Variants in NUP88 observed in about 807,000 individuals in gnomAD.
The protein encoded by NUP88 is nucleoporin 88, also known as nuclear pore complex protein Nup88.
Under a neutral mutation model 93.9 loss-of-function variants are expected in NUP88, and 57 were observed. The ratio of observed to expected loss-of-function variants is 0.61; its 90% CI spans 0.49 to 0.76. NUP88 has a LOEUF of 0.76. Among genes scored for constraint, NUP88 ranks in the 30% least tolerant of loss-of-function variants. The pLI is 0.00. For missense variants in NUP88, 911 were observed against 901.0 expected (o/e 1.01, Z -0.14); for synonymous variants, 346 against 336.8 (o/e 1.03, Z -0.30).
chr17:5,390,267 A>G (rs1171112777), intron 10 of NUP88, among the ~76,000 whole-genome samples: 1 of 152,164 alleles, frequency 6.6e-6, no homozygotes, highest in Non-Finnish European at 1.5e-5. Context: ...TTATTTTACT[A>G]AATGTACTGT....
intron 4 of NUP88, among the ~76,000 whole-genome samples, chr17:5,409,941 G>A (rs1164312037): frequency 6.6e-6 from 1 of 152,190 alleles, no homozygotes; most frequent in Non-Finnish European, 1.5e-5. Flanking sequence ...ATGGCAAGGA[G>A]GCCAAGGTGC....
chr17:5,412,853 G>A (rs1291523489), intron 3 of NUP88, among the ~76,000 whole-genome samples: 1 of 152,160 alleles, frequency 6.6e-6, no homozygotes, highest in Non-Finnish European at 1.5e-5. Flanking sequence ...TAGATTTGGA[G>A]GAAGGAGGGG....
chr17:5,386,123 A>AT lies in NUP88; in HGVS notation c.*82dup, dbSNP rs1911940707. The AT allele has an allele frequency of 1.9e-6, 2 of 1,028,300 alleles. No individual in the cohort carries two copies. The highest frequency in any genetic ancestry group is 2.6e-5 in the East Asian group (1 of 39,088). The allele number at this position is 1,028,300 out of a possible 1,614,324, so 63.7% of individuals were successfully genotyped here. A position where few individuals can be genotyped will look rare whatever the true frequency, so the allele number is the denominator to read the frequency against. ...AGGTCATCAAAACACCTTTTTATAA[A>AT]TTAGATAATTCTACCTGTTTTACAA... On this transcript the variant is annotated 3_prime_UTR_variant, in exon 17 of 17. Transcript: ENST00000573584.
intron 8 of NUP88, among the ~76,000 whole-genome samples, chr17:5,395,547 T>TC (rs1379975325): frequency 3.8e-4 from 57 of 151,890 alleles, no homozygotes; most frequent in Middle Eastern, 3.2e-3. Context: ...TATTTTTTTT[T>TC]GGATGGAGTC....
chr17:5,399,540 T>C lies in NUP88; in HGVS notation c.1291+12A>G. 1 of 1,391,314 alleles carries C rather than the reference T, an allele frequency of 7.2e-7. No homozygotes were observed. The highest frequency in any genetic ancestry group is 1.0e-6 in the Non-Finnish European group (1 of 982,382). The allele number at this position is 1,391,314 out of a possible 1,614,324, so 86.2% of individuals were successfully genotyped here. A position where few individuals can be genotyped will look rare whatever the true frequency, so the allele number is the denominator to read the frequency against. ...GAAATCTATTAAAAGTGCAGAGAGT[T>C]AGTAAACTCACCTGATCCAAGAAAT... On this transcript the variant is annotated intron_variant, in intron 8 of 16. Coordinates refer to ENST00000573584, the MANE Select transcript of NUP88 (RefSeq NM_002532.6).
intron 8 of NUP88, among the ~76,000 whole-genome samples, chr17:5,396,204 T>G (rs1300921790): frequency 2.0e-5 from 3 of 151,762 alleles, no homozygotes; most frequent in African/African-American, 7.3e-5. Context: ...AGAGTGAAAC[T>G]CCGTCTAAAA....
rs757330790 is a variant in NUP88 at position 5,394,929 on chromosome 17, A to G, written c.1344T>C (p.Phe448=). ...LQELSTEQKC[F]VEHILCTKPL... Reference sequence around the variant, plus strand: ...GCTTCGTACAAAGGATGTGTTCAACAAAGCATTTCTGTTCTGTAGAGAGTT... The same window carrying G: ...GCTTCGTACAAAGGATGTGTTCAACGAAGCATTTCTGTTCTGTAGAGAGTT... Residue 448 remains phenylalanine (F), a synonymous_variant, in exon 9 of 17, where the codon TTT becomes TTC. Coordinates refer to ENST00000573584, the MANE Select transcript of NUP88 (RefSeq NM_002532.6). 7 of 1,613,734 alleles carry G rather than the reference A, an allele frequency of 4.3e-6. No individual in the cohort carries two copies. The African/African-American group carries it at 9.3e-5, about 22-fold the overall frequency.
At chr17:5,389,207 G>A (rs968979593) in intron 10 of NUP88, among the ~76,000 whole-genome samples, 1 of 152,184 alleles carries the variant, frequency 6.6e-6, no homozygotes, top group Non-Finnish European at 1.5e-5. Flanking sequence ...AAAAGATCAA[G>A]GCAGCACAAA....
At chr17:5,403,658 TCAA>T (rs55871021) in intron 7 of NUP88, among the ~76,000 whole-genome samples, 2,908 of 150,392 alleles carry the variant, frequency 0.019, 75 homozygotes, top group African/African-American at 0.062. Flanking sequence ...AGACACCATC[TCAA>T]CAACAACAAC....
intron 9 of NUP88, among the ~76,000 whole-genome samples, chr17:5,394,049 A>T (rs1288354445): frequency 1.3e-5 from 2 of 152,182 alleles, no homozygotes; most frequent in Admixed American, 1.3e-4. Flanking sequence ...AGATGAGTTA[A>T]GGGGACATCT....
At chr17:5,402,148 A>G (rs1913209553) in intron 7 of NUP88, among the ~76,000 whole-genome samples, 1 of 152,136 alleles carries the variant, frequency 6.6e-6, no homozygotes, top group Admixed American at 6.6e-5. Context: ...CTGTACTAAA[A>G]ATACAAAAAT....
At chr17:5,407,043 G>C (rs1033247779) in intron 5 of NUP88, among the ~76,000 whole-genome samples, 11 of 152,142 alleles carry the variant, frequency 7.2e-5, no homozygotes, top group African/African-American at 2.7e-4. Flanking sequence ...AGAGGAGAAA[G>C]GGTAAGGGAA....
In NUP88 at chr17:5,385,373, T is replaced by C. The variant is rs1243540244; in HGVS notation, c.*833A>G. The stretch of plus-strand genomic sequence containing the variant: ...CTTATATTCAGTCTGTGCCTACATG[T>C]TCTCATGCATGTCTAACCTGATTTA... On this transcript the variant is annotated 3_prime_UTR_variant, in exon 17 of 17. Coordinates refer to ENST00000573584, the MANE Select transcript of NUP88 (RefSeq NM_002532.6). The C allele has an allele frequency of 4.3e-6, 1 of 230,542 alleles. No homozygotes were observed. Among genetic ancestry groups the C allele is most frequent in the Non-Finnish European group, 8.6e-6 (1 of 116,422 alleles). 14.3% of individuals were successfully genotyped at this position (230,542 alleles called of 1,614,324 possible).
chr17:5,411,580 CAAA>C (rs56658902), intron 3 of NUP88, among the ~76,000 whole-genome samples: 3 of 110,158 alleles, frequency 2.7e-5, no homozygotes, highest in Non-Finnish European at 1.9e-5. Context: ...GACTCCATTT[CAAA>C]AAAAAAAAAA....
At chr17:5,416,780 T>C (rs534663073) in intron 1 of NUP88, 98 bp from the exon 2 acceptor site, 107 of 979,202 alleles carry the variant, frequency 1.1e-4, no homozygotes, top group Non-Finnish European at 1.5e-4. Flanking sequence ...ACTACAATTA[T>C]AGGATAATAA....
In NUP88 at chr17:5,414,053, G is replaced by A. The variant is rs562415290; in HGVS notation, c.549C>T (p.Ile183=). Residue 183 remains isoleucine (I), a synonymous_variant, in exon 3 of 17, where the codon ATC becomes ATT. Transcript: ENST00000573584. ...LKHAAWYPSE[I]LDPHVVLLTS... ...TTAACAGCACTACGTGGGGATCCAG[G>A]ATTTCACTTGGATACCATGCAGCAT... 1 of 1,613,972 alleles carries A rather than the reference G, an allele frequency of 6.2e-7. No individual in the cohort carries two copies. Among genetic ancestry groups the A allele is most frequent in the Admixed American group, 1.7e-5 (1 of 60,026 alleles).
At chr17:5,417,232 T>C (rs139596826) in intron 1 of NUP88, among the ~76,000 whole-genome samples, 1 of 152,212 alleles carries the variant, frequency 6.6e-6, no homozygotes, top group Non-Finnish European at 1.5e-5. Context: ...GTGAAGGTTA[T>C]TGAGATAGTC....
chr17:5,397,610 T>C lies in NUP88; in HGVS notation c.1291+1942A>G, dbSNP rs903254810. Reference sequence around the variant, plus strand: ...GCCAACTTAAGCCCAGTGAGAACCATGCAGGACTTCTAACCTACAAAACTA... The same window carrying C: ...GCCAACTTAAGCCCAGTGAGAACCACGCAGGACTTCTAACCTACAAAACTA... On this transcript the variant is annotated intron_variant, in intron 8 of 16. Transcript: ENST00000573584. 2.0e-5 allele frequency among the ~76,000 whole-genome samples: 3 copies of C among 152,200 alleles called. No homozygotes were observed. The South Asian group carries it at 6.2e-4, about 31-fold the overall frequency.
intron 4 of NUP88, 73 bp from the exon 5 acceptor site, chr17:5,408,982 CA>C: frequency 7.6e-7 from 1 of 1,319,786 alleles, no homozygotes; most frequent in Non-Finnish European, 1.0e-6. Flanking sequence ...CAAAACAAAA[CA>C]AAAACACAAA....
Sources: gnomAD v4.1 joint callset for allele counts (sites outside exome capture counted in the v4.1 genomes callset) on GRCh38, gnomAD v4.1.1 for gene constraint, MANE v1.5 for transcripts, NCBI Gene and HGNC (gene_info 2026-07-23, HGNC 2026-07-21) for gene names.